The following EPM2A variants were observed in gnomAD, a reference collection of about 807,000 sequenced individuals.
EPM2A encodes the protein EPM2A glucan phosphatase, laforin.
In EPM2A, 21 loss-of-function variants were observed where a neutral mutation model predicts 26.5. The observed-to-expected ratio is 0.79, with a 90% confidence interval of 0.56 to 1.14. The LOEUF (loss-of-function observed/expected upper bound fraction) is 1.14. Among genes scored for constraint, EPM2A ranks in the 50% most tolerant of loss-of-function variants. EPM2A has a pLI of 0.00. For synonymous variants in EPM2A, 217 were observed against 177.6 expected, an observed-to-expected ratio of 1.22 and a Z score of -1.76; for missense variants, 458 against 440.8, an observed-to-expected ratio of 1.04 and a Z score of -0.35.
intron 2 of EPM2A, among the ~76,000 whole-genome samples, chr6:145,587,199 A>G (rs1253581762): frequency 2.0e-5 from 3 of 152,214 alleles, no homozygotes; most frequent in Admixed American, 2.0e-4. Context: ...ACAGAACATA[A>G]AAACAGGCAA....
intron 4 of EPM2A, among the ~76,000 whole-genome samples, chr6:145,479,058 T>C (rs1779580084): frequency 6.6e-6 from 1 of 151,334 alleles, no homozygotes; most frequent in African/African-American, 2.4e-5. Flanking sequence ...GTTATCTGTG[T>C]CACTTAAGTT....
chr6:145,412,176 C>T (rs1214753338), intron 4 of EPM2A, among the ~76,000 whole-genome samples: 1 of 143,988 alleles, frequency 6.9e-6, no homozygotes, highest in Non-Finnish European at 1.5e-5. Context: ...AAGATTGCGC[C>T]ATTGCACTCT....
At chr6:145,704,145 A>C (rs1782085007) in intron 1 of EPM2A, among the ~76,000 whole-genome samples, 1 of 152,202 alleles carries the variant, frequency 6.6e-6, no homozygotes, top group South Asian at 2.1e-4. Flanking sequence ...TTCTTAATAA[A>C]TTGCTAAGCT....
intron 1 of EPM2A, among the ~76,000 whole-genome samples, chr6:145,711,896 A>AT (rs1775348816): frequency 6.6e-6 from 1 of 152,140 alleles, no homozygotes; most frequent in Non-Finnish European, 1.5e-5. Flanking sequence ...AGGTTTCAAA[A>AT]TTTTTTGGAA....
intron 4 of EPM2A, among the ~76,000 whole-genome samples, chr6:145,450,150 A>G (rs1447999813): frequency 6.6e-6 from 1 of 151,760 alleles, no homozygotes; most frequent in African/African-American, 2.4e-5. Context: ...TCAGGAGATC[A>G]AGACCACCCT....
chr6:145,449,629 T>C (rs1382144239), intron 4 of EPM2A, among the ~76,000 whole-genome samples: 1 of 152,204 alleles, frequency 6.6e-6, no homozygotes, highest in African/African-American at 2.4e-5. Context: ...ACTGGCTAAT[T>C]AGCACTTGAG....
chr6:145,726,250 A>G (rs1776200030), intron 1 of EPM2A, among the ~76,000 whole-genome samples: 2 of 152,152 alleles, frequency 1.3e-5, no homozygotes, highest in South Asian at 2.1e-4. Context: ...TAAACTGAAC[A>G]AGAAAATAAA....
intron 1 of EPM2A, among the ~76,000 whole-genome samples, chr6:145,698,831 A>G (rs1781762913): frequency 1.3e-5 from 2 of 152,134 alleles, no homozygotes; most frequent in South Asian, 2.1e-4. Context: ...ATTACACCCC[A>G]TAAGAGGAAA....
chr6:145,589,923 C>T (rs1415148110), intron 2 of EPM2A, among the ~76,000 whole-genome samples: 1 of 151,650 alleles, frequency 6.6e-6, no homozygotes, highest in African/African-American at 2.4e-5. Context: ...AAGAATACTC[C>T]CATCCTTAAG....
intron 4 of EPM2A, among the ~76,000 whole-genome samples, chr6:145,453,788 C>T (rs2136318): frequency 0.05 from 7,586 of 152,172 alleles, 274 homozygotes; most frequent in Non-Finnish European, 0.079. Context: ...CCAAGTTCAC[C>T]CTCATGTGTC....
At chr6:145,726,631 T>C (rs982213856) in intron 1 of EPM2A, among the ~76,000 whole-genome samples, 1 of 152,154 alleles carries the variant, frequency 6.6e-6, no homozygotes, top group Non-Finnish European at 1.5e-5. Flanking sequence ...TTTACTTTGA[T>C]GGTCTTCCCA....
rs1582913143 is a variant in EPM2A, at chr6:145,627,628, C to T, written c.784G>A (p.Val262Met). Residue 262 changes from valine to methionine, a missense_variant, in exon 4 of 4, where the codon GTG (valine) becomes ATG (methionine). Transcript: ENST00000367519. ...LHALLEKGHI[V>M]YVHCNAGVGR... ...ACCCCAGCGTTGCAGTGCACGTACA[C>T]GATGTGTCCCTTCTCCAGCAGCGCA... 5.0e-6 allele frequency: 8 copies of T among 1,614,186 alleles called. No individual in the cohort carries two copies. The highest frequency in any genetic ancestry group is 1.3e-5 in the African/African-American group (1 of 75,054).
chr6:145,733,559 T>G (rs9497403), intron 1 of EPM2A, among the ~76,000 whole-genome samples: 110,195 of 151,988 alleles, frequency 0.73, 40,485 homozygotes, highest in African/African-American at 0.82. Context: ...AAAAGCTAAA[T>G]AACTAGGGAA....
chr6:145,414,568 A>G (rs1165307827), intron 4 of EPM2A, among the ~76,000 whole-genome samples: 1 of 152,124 alleles, frequency 6.6e-6, no homozygotes, highest in Non-Finnish European at 1.5e-5. Context: ...ACTTTGAAAT[A>G]TTAAGAGGAA....
At chr6:145,444,111 A>T (rs74722398) in intron 4 of EPM2A, among the ~76,000 whole-genome samples, 1 of 152,090 alleles carries the variant, frequency 6.6e-6, no homozygotes, top group Non-Finnish European at 1.5e-5. Context: ...ATATTTCTTT[A>T]GCTTGCCTGA....
At chr6:145,584,276 C>T (rs1431630237) in intron 2 of EPM2A, among the ~76,000 whole-genome samples, 1 of 152,092 alleles carries the variant, frequency 6.6e-6, no homozygotes, top group Non-Finnish European at 1.5e-5. Context: ...GGTCTGCCAG[C>T]AAAGGAGGTA....
intron 2 of EPM2A, among the ~76,000 whole-genome samples, chr6:145,651,560 T>C (rs73782037): frequency 1.7e-4 from 26 of 152,342 alleles, no homozygotes; most frequent in African/African-American, 5.8e-4. Context: ...ACCAGAATTA[T>C]TGAGTGAGGT....
intron 2 of EPM2A, among the ~76,000 whole-genome samples, chr6:145,655,978 A>C (rs1476548448): frequency 1.3e-4 from 20 of 152,222 alleles, no homozygotes; most frequent in Non-Finnish European, 8.8e-5. Context: ...CCAAAAATGC[A>C]ATCCAAAGAT....
intron 2 of EPM2A, among the ~76,000 whole-genome samples, chr6:145,505,520 T>G (rs2114756565): frequency 6.6e-6 from 1 of 150,686 alleles, no homozygotes; most frequent in Non-Finnish European, 1.5e-5. Flanking sequence ...ATTTTAAAAT[T>G]AAGATGTTAA....
Sources: allele counts gnomAD v4.1 joint callset (sites outside exome capture counted in the v4.1 genomes callset), GRCh38; gene constraint gnomAD v4.1.1; transcripts MANE v1.5; gene names NCBI Gene and HGNC (gene_info 2026-07-23, HGNC 2026-07-21).